RAB5A: variants seen among roughly 807,000 people sequenced by gnomAD.
RAB5A encodes ras-related protein Rab-5A.
RAB5A carries 8 observed loss-of-function variants against 25.7 expected under a neutral mutation model. That is an observed-to-expected ratio of 0.31 (90% CI 0.18 to 0.56). The LOEUF is 0.56. Ranked by LOEUF, RAB5A falls within the 20% of genes least tolerant of loss-of-function variation. The pLI is 0.91. For missense variants in RAB5A, 192 were observed against 259.7 expected, an observed-to-expected ratio of 0.74 and a Z score of 1.79; for synonymous variants, 98 against 89.8, an observed-to-expected ratio of 1.09 and a Z score of -0.52.
At chr3:19,951,790 A>T (rs372950247) in intron 2 of RAB5A, among the ~76,000 whole-genome samples, 5 of 147,114 alleles carry the variant, frequency 3.4e-5, no homozygotes, top group African/African-American at 1.3e-4. Flanking sequence ...TCCAGCCTCA[A>T]CCTCCCAGGT....
At chr3:19,981,810 TGTC>T (rs1374374164) in intron 5 of RAB5A, among the ~76,000 whole-genome samples, 1 of 152,096 alleles carries the variant, frequency 6.6e-6, no homozygotes, top group African/African-American at 2.4e-5. Context: ...TTGAGAGTGT[TGTC>T]TGAATTTGAC....
In RAB5A at chr3:19,983,730, A is replaced by G. The variant is rs1394769960; in HGVS notation, c.555A>G (p.Glu185=). The G allele has an allele frequency of 1.2e-6, 2 of 1,611,006 alleles. No homozygotes were observed. The highest frequency in any genetic ancestry group is 1.3e-5 in the African/African-American group (1 of 74,736). The change falls in exon 6 of 6, where the codon GAA becomes GAG. Residue 185 remains glutamate, a synonymous_variant. Transcript: ENST00000273047. ...MAIAKKLPKN[E]PQNPGANSAR... ...CAGCTAAAAAATTGCCAAAGAATGAACCACAAAATCCAGGAGCAAATTCTG... is the reference window on the plus strand; with the variant it reads ...CAGCTAAAAAATTGCCAAAGAATGAGCCACAAAATCCAGGAGCAAATTCTG...
intron 2 of RAB5A, 65 bp downstream of exon 2, chr3:19,951,126 G>A: frequency 1.9e-6 from 3 of 1,548,522 alleles, no homozygotes; most frequent in Non-Finnish European, 2.6e-6. Context: ...ATATTTTGAT[G>A]TTCCAATTGT....
At position 19,984,494 on chromosome 3, in the gene RAB5A, T is replaced by C. The variant is rs1391705347; in HGVS notation, c.*671T>C. ...ATTTTGAGAACTAATAAATGCACCT[T>C]AATGGTCAGTGTTCCTTTCAAACAT... On this transcript the variant is annotated 3_prime_UTR_variant, in exon 6 of 6. Coordinates refer to ENST00000273047, the MANE Select transcript of RAB5A (RefSeq NM_004162.5). 1 of 217,808 alleles carries C rather than the reference T, an allele frequency of 4.6e-6. No homozygotes were observed. The highest frequency in any genetic ancestry group is 1.6e-3 in the Middle Eastern group (1 of 632). The allele number at this position is 217,808 out of a possible 1,614,324, so 13.5% of individuals were successfully genotyped here. A position where few individuals can be genotyped will look rare whatever the true frequency, so the allele number is the denominator to read the frequency against.
At chr3:19,962,000 G>C (rs1254017870) in intron 2 of RAB5A, among the ~76,000 whole-genome samples, 1 of 152,122 alleles carries the variant, frequency 6.6e-6, no homozygotes, top group Non-Finnish European at 1.5e-5. Context: ...TTCTCACTCT[G>C]ATCTTTTCCT....
At chr3:19,964,808 C>G (rs1696637886) in intron 2 of RAB5A, among the ~76,000 whole-genome samples, 1 of 152,132 alleles carries the variant, frequency 6.6e-6, no homozygotes, top group Non-Finnish European at 1.5e-5. Flanking sequence ...GACAAGGTTT[C>G]ACCATGTTGG....
chr3:19,951,701 G>GTTTTTTTTTTTTTTTTTTTTT lies in RAB5A; in HGVS notation c.163+658_163+659insTTTTTTTTTTTTTTTTTTTTT, dbSNP rs61250458. 1.5e-3 allele frequency among the ~76,000 whole-genome samples: 150 copies of GTTTTTTTTTTTTTTTTTTTTT among 98,978 alleles called. 11 individuals are homozygous for GTTTTTTTTTTTTTTTTTTTTT. The highest frequency in any genetic ancestry group is 5.4e-3 in the African/African-American group (131 of 24,380). The allele number at this position is 98,978 out of a possible 152,430, so 64.9% of individuals were successfully genotyped here. On this transcript the variant is annotated intron_variant, in intron 2 of 5. Transcript: ENST00000273047. ...GGGTGCATGCCACCATGCCAGGCAA[G>GTTTTTTTTTTTTTTTTTTTTT]TTTTTTTTTTTTTTTTTTAAGAGTC...
At chr3:19,959,875 C>T (rs1696560965) in intron 2 of RAB5A, among the ~76,000 whole-genome samples, 1 of 152,114 alleles carries the variant, frequency 6.6e-6, no homozygotes, top group African/African-American at 2.4e-5. Context: ...GATCTCCTGG[C>T]TTGGCCTCCC....
intron 5 of RAB5A, among the ~76,000 whole-genome samples, chr3:19,982,569 G>A (rs775812923): frequency 2.6e-5 from 4 of 152,118 alleles, no homozygotes; most frequent in Non-Finnish European, 5.9e-5. Context: ...AAACTAAGCG[G>A]TCGAGCATGG....
intron 5 of RAB5A, among the ~76,000 whole-genome samples, chr3:19,979,624 A>G (rs1433570137): frequency 6.6e-6 from 1 of 152,182 alleles, no homozygotes; most frequent in East Asian, 1.9e-4. Flanking sequence ...TGTTTCAGTT[A>G]TAAGTAATGA....
chr3:19,951,124 A>G, intron 2 of RAB5A, 63 bp downstream of exon 2: 1 of 1,558,290 alleles, frequency 6.4e-7, no homozygotes, highest in Non-Finnish European at 8.8e-7. Context: ...AAATATTTTG[A>G]TGTTCCAATT....
chr3:19,952,052 G>A (rs111602419), intron 2 of RAB5A, among the ~76,000 whole-genome samples: 3,528 of 152,170 alleles, frequency 0.023, 57 homozygotes, highest in Non-Finnish European at 0.034. Context: ...ACGTGAAATG[G>A]GAAAATTGAA....
chr3:19,970,928 G>A (rs1228946361), intron 2 of RAB5A, among the ~76,000 whole-genome samples: 1 of 152,176 alleles, frequency 6.6e-6, no homozygotes, highest in Non-Finnish European at 1.5e-5. Flanking sequence ...CAGGTGTGGT[G>A]GCTCATGCCT....
At chr3:19,952,511 T>A (rs1487037192) in intron 2 of RAB5A, among the ~76,000 whole-genome samples, 1 of 152,254 alleles carries the variant, frequency 6.6e-6, no homozygotes, top group African/African-American at 2.4e-5. Context: ...ATTTAGTGAA[T>A]GCTCTTCTGC....
chr3:19,952,147 C>A (rs1329797023), intron 2 of RAB5A, among the ~76,000 whole-genome samples: 1 of 152,052 alleles, frequency 6.6e-6, no homozygotes. Context: ...GAGTTCAAGT[C>A]TAGCCTGGGC....
At chr3:19,967,441 G>A (rs549041368) in intron 2 of RAB5A, among the ~76,000 whole-genome samples, 2 of 152,170 alleles carry the variant, frequency 1.3e-5, no homozygotes, top group East Asian at 1.9e-4. Context: ...CATTGCGCTC[G>A]GCCCTTTGTC....
At chr3:19,978,519 A>C (rs1320804142) in intron 5 of RAB5A, 116 bp downstream of exon 5, 3 of 652,766 alleles carry the variant, frequency 4.6e-6, no homozygotes, top group Non-Finnish European at 8.3e-6. Flanking sequence ...GTGTATGTTT[A>C]TGTGTGTGTG....
intron 5 of RAB5A, among the ~76,000 whole-genome samples, chr3:19,981,178 A>G (rs1696919074): frequency 1.3e-5 from 2 of 152,220 alleles, no homozygotes. Flanking sequence ...TATGTATTAA[A>G]ACAAACTACA....
chr3:19,978,815 A>G (rs1696867832), intron 5 of RAB5A: 3 of 154,682 alleles, frequency 1.9e-5, no homozygotes, highest in South Asian at 4.0e-4. Flanking sequence ...AACATGACAC[A>G]TAAGTATACA....
Sources: allele counts gnomAD v4.1 joint callset (sites outside exome capture counted in the v4.1 genomes callset), GRCh38; gene constraint gnomAD v4.1.1; transcripts MANE v1.5; gene names NCBI Gene and HGNC (gene_info 2026-07-23, HGNC 2026-07-21).